Variants in FCGR1A observed in about 807,000 individuals in gnomAD.
The protein encoded by FCGR1A is Fc gamma receptor Ia.
A neutral mutation model predicts 35.0 loss-of-function variants in FCGR1A; 13 were observed. That is an observed-to-expected ratio of 0.37 (90% CI 0.24 to 0.59). The LOEUF (loss-of-function observed/expected upper bound fraction) is 0.59, where lower values mean the gene tolerates loss of function less well. Among genes scored for constraint, FCGR1A ranks in the 20% least tolerant of loss-of-function variants. FCGR1A has a pLI of 0.71. For missense variants in FCGR1A, 227 were observed against 430.0 expected, an observed-to-expected ratio of 0.53 and a Z score of 4.17; for synonymous variants, 91 against 164.7, an observed-to-expected ratio of 0.55 and a Z score of 3.43.
the FCGR1A span, among the ~76,000 whole-genome samples, chr1:149,800,319 A>T: frequency 6.6e-6 from 1 of 152,126 alleles, no homozygotes. Context: ...CTTTGTATGG[A>T]GGCTCCATTG....
At chr1:149,790,522 ATTTCC>A (rs782587884) in intron 5 of FCGR1A, 184 bp downstream of exon 5, 6 of 992,384 alleles carry the variant, frequency 6.0e-6, no homozygotes, top group African/African-American at 1.7e-5. Context: ...AAACTGTTAA[ATTTCC>A]TTTCCTTTCT....
chr1:149,797,731 C>T, the FCGR1A span, among the ~76,000 whole-genome samples: 1 of 152,124 alleles, frequency 6.6e-6, no homozygotes, highest in East Asian at 1.9e-4. Flanking sequence ...CCTAGCAGTT[C>T]GAACTATAGG....
the FCGR1A span, among the ~76,000 whole-genome samples, chr1:149,799,658 C>A: frequency 2.0e-5 from 3 of 152,216 alleles, no homozygotes; most frequent in Non-Finnish European, 2.9e-5. Context: ...GTTTTCAATT[C>A]TCCCCTCCTC....
the FCGR1A span, among the ~76,000 whole-genome samples, chr1:149,798,808 T>C: frequency 2.6e-5 from 4 of 152,252 alleles, no homozygotes; most frequent in East Asian, 7.7e-4. Flanking sequence ...GACAGGGGTC[T>C]TGCTTTGTTG....
intron 3 of FCGR1A, among the ~76,000 whole-genome samples, chr1:149,785,101 G>A (rs1553750669): frequency 6.6e-6 from 1 of 152,186 alleles, no homozygotes; most frequent in East Asian, 1.9e-4. Context: ...ATCAAGAGAT[G>A]GAGACTGCAA....
chr1:149,797,479 C>T, the FCGR1A span, among the ~76,000 whole-genome samples: 17 of 151,952 alleles, frequency 1.1e-4, no homozygotes, highest in Admixed American at 2.6e-4. Flanking sequence ...TCAGGGAACA[C>T]GGTGTTTGGT....
downstream of FCGR1A, chr1:149,792,165 G>C (rs2091727203): frequency 6.3e-6 from 1 of 158,462 alleles, no homozygotes; most frequent in African/African-American, 2.4e-5. Flanking sequence ...TATTTCTAGA[G>C]ACAACAAAAA....
rs144565259 is a variant in FCGR1A at position 149,784,623 on chromosome 1, T to C, written c.307+366T>C. ...CCAAAACCTAGATCTGCAGTCACCTTCCACAGAAACAAAACTGCTAATATA... is the reference window on the plus strand; with the variant it reads ...CCAAAACCTAGATCTGCAGTCACCTCCCACAGAAACAAAACTGCTAATATA... On this transcript the variant is annotated intron_variant, in intron 3 of 5. Transcript: ENST00000369168. 8.0e-3 allele frequency among the ~76,000 whole-genome samples: 1,203 copies of C among 150,974 alleles called. 9 individuals carry two copies. Among genetic ancestry groups the C allele is most frequent in the African/African-American group, 0.024 (977 of 41,236 alleles).
downstream of FCGR1A, chr1:149,792,674 G>A (rs1241391800): frequency 2.3e-6 from 3 of 1,279,080 alleles, no homozygotes; most frequent in East Asian, 1.7e-4. Flanking sequence ...GCAGCCGCCA[G>A]CGCCCGGGGA....
At chr1:149,788,700 T>G in intron 4 of FCGR1A, 83 bp downstream of exon 4, 1 of 1,519,860 alleles carries the variant, frequency 6.6e-7, no homozygotes, top group Non-Finnish European at 9.0e-7. Context: ...TCACTTTAAT[T>G]TACAAGTGAA....
At chr1:149,800,262 T>C in the FCGR1A span, among the ~76,000 whole-genome samples, 2,513 of 152,328 alleles carry the variant, frequency 0.016, 51 homozygotes, top group African/African-American at 0.057. Context: ...CAGGAACCTC[T>C]ACATGTTCAG....
At chr1:149,785,416 T>TTC in intron 3 of FCGR1A, among the ~76,000 whole-genome samples, 1 of 132,750 alleles carries the variant, frequency 7.5e-6, no homozygotes, top group African/African-American at 2.8e-5. Context: ...TCGTTTTTTT[T>TTC]TTTTTTTTTT....
the FCGR1A span, among the ~76,000 whole-genome samples, chr1:149,797,084 T>G: frequency 6.6e-6 from 1 of 152,226 alleles, no homozygotes; most frequent in Non-Finnish European, 1.5e-5. Flanking sequence ...GGCTAATTTT[T>G]GTATTTTTAG....
chr1:149,784,648 A>G (rs2091491366), intron 3 of FCGR1A, among the ~76,000 whole-genome samples: 1 of 147,686 alleles, frequency 6.8e-6, no homozygotes, highest in African/African-American at 2.4e-5. Flanking sequence ...CTGCTAATAT[A>G]TATATACATA....
chr1:149,798,802 G>A, the FCGR1A span, among the ~76,000 whole-genome samples: 1 of 152,072 alleles, frequency 6.6e-6, no homozygotes, highest in African/African-American at 2.4e-5. Context: ...TGTAGAGACA[G>A]GGGTCTTGCT....
At chr1:149,789,954 T>C (rs1357283841) in intron 4 of FCGR1A, 100 bp from the exon 5 acceptor site, 1 of 1,607,596 alleles carries the variant, frequency 6.2e-7, no homozygotes, top group East Asian at 2.2e-5. Context: ...GGATGCATTT[T>C]CTAGGGCCAG....
At chr1:149,799,679 C>T in the FCGR1A span, among the ~76,000 whole-genome samples, 1 of 152,242 alleles carries the variant, frequency 6.6e-6, no homozygotes, top group African/African-American at 2.4e-5. Flanking sequence ...TCTAACTCCT[C>T]ATCCTGTTAC....
downstream of FCGR1A, chr1:149,793,272 G>T (rs2091758657): frequency 8.2e-7 from 1 of 1,219,030 alleles, no homozygotes; most frequent in South Asian, 1.4e-5. Flanking sequence ...GGTGGGGAGT[G>T]GGAGAGGCCG....
chr1:149,793,233 C>T (rs2091757633), downstream of FCGR1A: 1 of 1,260,256 alleles, frequency 7.9e-7, no homozygotes, highest in African/African-American at 1.6e-5. Context: ...GCAAGAGCAG[C>T]CGGAGGCGGC....
Sources: gnomAD v4.1 joint callset for allele counts (sites outside exome capture counted in the v4.1 genomes callset) on GRCh38, gnomAD v4.1.1 for gene constraint, MANE v1.5 for transcripts, NCBI Gene and HGNC (gene_info 2026-07-23, HGNC 2026-07-21) for gene names.